The following DNAH9 variants were observed in gnomAD, a reference collection of about 807,000 sequenced individuals.
The protein encoded by DNAH9 is dynein axonemal heavy chain 9.
DNAH9 carries 345 observed loss-of-function variants against 471.6 expected under a neutral mutation model. The observed-to-expected ratio is 0.73, with a 90% CI of 0.67 to 0.80. The LOEUF (loss-of-function observed/expected upper bound fraction) is 0.80. DNAH9 is among the 30% of genes least tolerant of loss of function. The pLI, the probability that DNAH9 is intolerant of heterozygous loss-of-function variation, is 0.00. For synonymous variants in DNAH9, 2,093 were observed against 2,123.6 expected (o/e 0.99, Z 0.40); for missense variants, 5,407 against 5,609.2 (o/e 0.96, Z 1.15).
At chr17:11,943,691 C>CA (rs2151434518) in intron 67 of DNAH9, among the ~76,000 whole-genome samples, 1 of 152,042 alleles carries the variant, frequency 6.6e-6, no homozygotes, top group Non-Finnish European at 1.5e-5. Flanking sequence ...AAAACAAAAA[C>CA]AAAAAAATCA....
At chr17:11,859,406 C>A (rs11078040) in intron 50 of DNAH9, among the ~76,000 whole-genome samples, 1 of 123,150 alleles carries the variant, frequency 8.1e-6, no homozygotes, top group Admixed American at 7.7e-5. Flanking sequence ...AGCGAGACTC[C>A]GTCTCAAAAA....
In DNAH9 at chr17:11,756,576, A is replaced by G. The variant is rs1967396909; in HGVS notation, c.6747A>G (p.Thr2249=). 6.2e-7 allele frequency: 1 copy of G among 1,609,060 alleles called. No individual in the cohort carries two copies. The highest frequency in any genetic ancestry group is 8.5e-7 in the Non-Finnish European group (1 of 1,175,380). Residue 2249 remains threonine, a synonymous_variant, in exon 34 of 69, where the codon ACA becomes ACG. Transcript: ENST00000262442. ...TTCCCTGTTGTCTCCAGGTGCTGAC[A>G]TTGGCCAGCAATGAGAGGATTCCTC... ...NTVMDDNKVL[T]LASNERIPLN...
chr17:11,683,069 C>G (rs1034515283), intron 19 of DNAH9, among the ~76,000 whole-genome samples: 4 of 152,296 alleles, frequency 2.6e-5, no homozygotes, highest in Middle Eastern at 3.4e-3. Context: ...GGTAAGTTCT[C>G]CAGCTAGGTA....
intron 50 of DNAH9, among the ~76,000 whole-genome samples, chr17:11,860,131 A>G (rs1249881566): frequency 6.6e-6 from 1 of 152,178 alleles, no homozygotes; most frequent in Non-Finnish European, 1.5e-5. Context: ...CAATAATTCC[A>G]TTTCTATTCT....
At chr17:11,719,569 C>T (rs1168949503) in intron 27 of DNAH9, 79 bp downstream of exon 27, 9 of 1,361,724 alleles carry the variant, frequency 6.6e-6, no homozygotes, top group East Asian at 4.7e-5. Flanking sequence ...AAGACGCATC[C>T]GTGCCACCCT....
rs1170542090 is a variant in DNAH9 at position 11,687,950 on chromosome 17, A to G, written c.3744-1616A>G. Among the ~76,000 whole-genome samples the G allele has an allele frequency of 2.0e-5, 3 of 151,780 alleles. No homozygotes were observed. The East Asian group carries it at 5.8e-4, about 29-fold the overall frequency. On this transcript the variant is annotated intron_variant, in intron 19 of 68. Coordinates refer to ENST00000262442, the MANE Select transcript of DNAH9 (RefSeq NM_001372.4). ...GGAGATGGAGACCATCCTGGCCAAC[A>G]TAGTGAAACCCTGTATCTACTAAAA...
At position 11,699,740 on chromosome 17, in the gene DNAH9, C is replaced by G; in HGVS notation, c.4882C>G (p.His1628Asp). Residue 1628 changes from histidine to aspartate, a missense_variant, in exon 23 of 69, where the codon CAC becomes GAC. By Grantham distance (81) the His-to-Asp change is moderately conservative. This residue lies in a region of DNAH9 where 4,636 missense variants were observed against 4,900.3 expected (regional missense o/e 0.95). Coordinates refer to ENST00000262442, the MANE Select transcript of DNAH9 (RefSeq NM_001372.4). The part of the protein sequence containing the change: ...NGTAPQQVQR[H>D]LSKLFDNMAK... Reference sequence around the variant, plus strand: ...TGGTTTCCCTTCATAGGTTCAACGTCACCTTTCCAAACTCTTTGACAACAT... The same window carrying G: ...TGGTTTCCCTTCATAGGTTCAACGTGACCTTTCCAAACTCTTTGACAACAT... The G allele has an allele frequency of 1.2e-6, 2 of 1,614,166 alleles. No individual in the cohort carries two copies. Among genetic ancestry groups the G allele is most frequent in the Non-Finnish European group, 1.7e-6 (2 of 1,180,012 alleles).
At chr17:11,719,261 C>A in intron 26 of DNAH9, 73 bp from the exon 27 acceptor site, 1 of 1,455,042 alleles carries the variant, frequency 6.9e-7, no homozygotes, top group Non-Finnish European at 9.5e-7. Context: ...CCAGATCTCA[C>A]ATGGCCTTGA....
At chr17:11,693,735 G>A in intron 20 of DNAH9, 133 bp from the exon 21 acceptor site, 1 of 961,040 alleles carries the variant, frequency 1.0e-6, no homozygotes, top group Non-Finnish European at 1.6e-6. Flanking sequence ...AACTAAGGGT[G>A]TTTCCTTCGT....
At chr17:11,958,687 T>C (rs939877077) in intron 67 of DNAH9, among the ~76,000 whole-genome samples, 3 of 151,076 alleles carry the variant, frequency 2.0e-5, no homozygotes, top group African/African-American at 7.3e-5. Context: ...ATAAGGGTAA[T>C]CTCTGTACTT....
intron 61 of DNAH9, among the ~76,000 whole-genome samples, chr17:11,911,342 T>G (rs62061965): frequency 0.18 from 27,267 of 152,160 alleles, 2,696 homozygotes; most frequent in African/African-American, 0.26. Flanking sequence ...TAGACCATCA[T>G]TGTAAGAGCT....
At chr17:11,676,275 C>CTTTTTTTTTTTTTTTTTTTTTTTTTTTTT (rs67397847) in intron 17 of DNAH9, among the ~76,000 whole-genome samples, 2 of 73,882 alleles carry the variant, frequency 2.7e-5, no homozygotes, top group Non-Finnish European at 5.2e-5. Context: ...CATTTCTGTT[C>CTTTTTTTTTTTTTTTTTTTTTTTTTTTTT]TTTTTTTTTT....
intron 35 of DNAH9, among the ~76,000 whole-genome samples, chr17:11,762,770 G>GTTTGTTTTTTTTTTTTTTTTTT (rs1193246497): frequency 3.3e-5 from 3 of 90,744 alleles, no homozygotes; most frequent in Non-Finnish European, 4.4e-5. Context: ...TTTTTTTTTT[G>GTTTGTTTTTTTTTTTTTTTTTT]TTTTTTTTTT....
rs749495599 is a variant in DNAH9 at position 11,652,767 on chromosome 17, G to A, written c.2360G>A (p.Cys787Tyr). The A allele has an allele frequency of 6.2e-7, 1 of 1,613,094 alleles. No individual in the cohort carries two copies. The highest frequency in any genetic ancestry group is 1.7e-5 in the Admixed American group (1 of 59,894). The part of the protein sequence containing the change: ...ETLNWKTEGI[C>Y]DYVTEITSSI... ...TGTTTCTTTTGGGGAACAGGCATTT[G>A]CGATTATGTCACTGAAATCACCAGT... Residue 787 changes from cysteine to tyrosine, a missense_variant, in exon 14 of 69, where the codon TGC becomes TAC. By Grantham distance (194) the Cys-to-Tyr change is radical. Coordinates refer to ENST00000262442, the MANE Select transcript of DNAH9 (RefSeq NM_001372.4).
intron 48 of DNAH9, among the ~76,000 whole-genome samples, chr17:11,823,257 T>C (rs1970376806): frequency 6.6e-6 from 1 of 152,150 alleles, no homozygotes; most frequent in African/African-American, 2.4e-5. Flanking sequence ...TCCTTGTCCA[T>C]AGTAACAGTA....
At chr17:11,702,416 G>A (rs148228141) in intron 24 of DNAH9, among the ~76,000 whole-genome samples, 53 of 152,314 alleles carry the variant, frequency 3.5e-4, no homozygotes, top group African/African-American at 1.2e-3. Context: ...GTGTTGCTCT[G>A]TTTGGGGGTT....
chr17:11,880,562 T>A (rs1431770846), intron 54 of DNAH9, among the ~76,000 whole-genome samples: 1 of 152,160 alleles, frequency 6.6e-6, no homozygotes, highest in East Asian at 1.9e-4. Context: ...ACTCGGTTCC[T>A]TGTCAATTTA....
intron 2 of DNAH9, among the ~76,000 whole-genome samples, chr17:11,609,435 G>C (rs1193742323): frequency 5.3e-5 from 8 of 152,130 alleles, no homozygotes; most frequent in African/African-American, 1.9e-4. Flanking sequence ...AATCATTGCT[G>C]AATTTATCTC....
At chr17:11,799,529 C>T (rs530748344) in intron 43 of DNAH9, among the ~76,000 whole-genome samples, 4 of 151,926 alleles carry the variant, frequency 2.6e-5, no homozygotes, top group South Asian at 2.1e-4. Context: ...GCCAGCTCCC[C>T]TAACTTTCTT....
Sources: gnomAD v4.1 joint callset for allele counts (sites outside exome capture counted in the v4.1 genomes callset) on GRCh38, gnomAD v4.1.1 for gene constraint, gnomAD v4.1.1 regional missense constraint, MANE v1.5 for transcripts, NCBI Gene and HGNC (gene_info 2026-07-23, HGNC 2026-07-21) for gene names.